The following GMNC variants were observed in gnomAD, a reference collection of about 807,000 sequenced individuals.
The protein encoded by GMNC is geminin coiled-coil domain-containing protein 1.
In GMNC, 16 loss-of-function variants were observed where a neutral mutation model predicts 33.6. The observed-to-expected ratio is 0.48, with a 90% CI of 0.32 to 0.72. The LOEUF (loss-of-function observed/expected upper bound fraction) is 0.72. GMNC is among the 30% of genes least tolerant of loss of function. The probability of loss-of-function intolerance (pLI) is 0.03; values close to 1 mark genes in which losing one functional copy is unlikely to be tolerated. For synonymous variants in GMNC, 156 were observed against 147.3 expected (o/e 1.06, Z -0.43); for missense variants, 393 against 388.9 (o/e 1.01, Z -0.09).
chr3:190,852,372 A>C (rs1483389057), downstream of GMNC, among the ~76,000 whole-genome samples: 1 of 152,164 alleles, frequency 6.6e-6, no homozygotes, highest in East Asian at 1.9e-4. Context: ...ATAGTTTAGC[A>C]TCACTGAAGT....
rs920291911 is a variant in GMNC, at chr3:190,854,805, C to T, written c.*490G>A. On this transcript the variant is annotated 3_prime_UTR_variant, in exon 5 of 5. Transcript: ENST00000442080. ...GGAGTAGTGGTGATGGGCAAAGACA[C>T]TTGTTTCAACCCCACCCTCAGCTAT... 6 of 177,524 alleles carry T rather than the reference C, an allele frequency of 3.4e-5. No individual in the cohort carries two copies. The highest frequency in any genetic ancestry group is 1.4e-4 in the African/African-American group (6 of 41,924). 11.0% of individuals were successfully genotyped at this position (177,524 alleles called of 1,614,324 possible).
downstream of GMNC, among the ~76,000 whole-genome samples, chr3:190,849,688 A>G (rs1214256706): frequency 1.3e-5 from 2 of 152,202 alleles, no homozygotes; most frequent in Non-Finnish European, 2.9e-5. Context: ...AACTTGGTGT[A>G]GAAATAAGAA....
downstream of GMNC, among the ~76,000 whole-genome samples, chr3:190,847,868 T>C (rs1184643098): frequency 1.3e-5 from 2 of 152,204 alleles, no homozygotes; most frequent in Non-Finnish European, 2.9e-5. Flanking sequence ...TCATGTTGTA[T>C]GTGCAGTACA....
In GMNC at chr3:190,858,917, C is replaced by A. The variant is rs1737805078; in HGVS notation, c.267+11G>T. 1 of 1,512,134 alleles carries A rather than the reference C, an allele frequency of 6.6e-7. No individual in the cohort carries two copies. Among genetic ancestry groups the A allele is most frequent in the Non-Finnish European group, 9.0e-7 (1 of 1,111,718 alleles). The allele number at this position is 1,512,134 out of a possible 1,614,324, so 93.7% of individuals were successfully genotyped here. On this transcript the variant is annotated intron_variant, in intron 3 of 4. Transcript: ENST00000442080. ...AACATGACCAGTCTCAATGTTCTGACTTACACATACCTGCTTATTTCTGTA... is the reference window on the plus strand; with the variant it reads ...AACATGACCAGTCTCAATGTTCTGAATTACACATACCTGCTTATTTCTGTA...
At chr3:190,858,857 A>G (rs1397166619) in intron 3 of GMNC, 71 bp downstream of exon 3, 6 of 869,094 alleles carry the variant, frequency 6.9e-6, no homozygotes, top group African/African-American at 3.4e-5. Context: ...AGGGAAAAGA[A>G]GCAAGATATT....
At chr3:190,850,495 T>C (rs956342659), downstream of GMNC, among the ~76,000 whole-genome samples, 4 of 152,212 alleles carry the variant, frequency 2.6e-5, no homozygotes, top group Admixed American at 2.6e-4. Flanking sequence ...GGGAAGAGCC[T>C]GAAGAAATTC....
At chr3:190,856,017 T>A (rs768857363) in intron 4 of GMNC, 102 bp from the exon 5 acceptor site, 5 of 835,996 alleles carry the variant, frequency 6.0e-6, no homozygotes, top group Non-Finnish European at 7.3e-6. Flanking sequence ...ACAAGTAAGA[T>A]GGATTGGATT....
At chr3:190,859,176 A>C (rs1472916819) in intron 2 of GMNC, among the ~76,000 whole-genome samples, 160 bp from the exon 3 acceptor site, 1 of 152,244 alleles carries the variant, frequency 6.6e-6, no homozygotes, top group Non-Finnish European at 1.5e-5. Context: ...GTTTTTTAGA[A>C]AAGGCAAGCA....
chr3:190,845,993 G>A, the GMNC span, among the ~76,000 whole-genome samples: 1 of 152,076 alleles, frequency 6.6e-6, no homozygotes, highest in African/African-American at 2.4e-5. Flanking sequence ...TTTGGGAGGT[G>A]AAGGCGGGTG....
Position 190,861,446 on chromosome 3 carries a change from T to C in GMNC, c.4-588A>G, listed in dbSNP as rs1015775911. Among the ~76,000 whole-genome samples the C allele has an allele frequency of 5.3e-5, 8 of 150,080 alleles. No homozygotes were observed. The highest frequency in any genetic ancestry group is 7.4e-5 in the Non-Finnish European group (5 of 67,472). ...ATCAATCTATCTGTCTGTCTGTCTG[T>C]CTGCCTATCATCTATCTATCTATCT... On this transcript the variant is annotated intron_variant, in intron 1 of 4. Transcript: ENST00000442080. This position sits in a 1 kb window ranked among gnomAD's most constrained non-coding sequence, Gnocchi z 5.1.
In GMNC at chr3:190,857,772, A is replaced by G. The variant is rs1737778677; in HGVS notation, c.384+11T>C. 9 of 1,301,284 alleles carry G rather than the reference A, an allele frequency of 6.9e-6. No individual in the cohort carries two copies. The highest frequency in any genetic ancestry group is 9.8e-6 in the Non-Finnish European group (9 of 918,528). The allele number at this position is 1,301,284 out of a possible 1,614,324, so 80.6% of individuals were successfully genotyped here. On this transcript the variant is annotated intron_variant, in intron 4 of 4. Transcript: ENST00000442080. ...TTGTTCTTATAAAGTAGATACATACATCATACATACCTTGGCCTTTTCTTC... is the reference window on the plus strand; with the variant it reads ...TTGTTCTTATAAAGTAGATACATACGTCATACATACCTTGGCCTTTTCTTC...
rs928354490 is a variant in GMNC, at chr3:190,854,576, T to C, written c.*719A>G. The C allele has an allele frequency of 6.6e-6, 1 of 152,184 alleles. No homozygotes were observed. The highest frequency in any genetic ancestry group is 1.5e-5 in the Non-Finnish European group (1 of 68,024). 9.4% of individuals were successfully genotyped at this position (152,184 alleles called of 1,614,324 possible). On this transcript the variant is annotated 3_prime_UTR_variant, in exon 5 of 5. Transcript: ENST00000442080. Reference sequence around the variant, plus strand: ...CTTGGAGTCATGTTGGTTAAAGAAATGATGCTGGGTACATATAGAAGCTGA... The same window carrying C: ...CTTGGAGTCATGTTGGTTAAAGAAACGATGCTGGGTACATATAGAAGCTGA...
chr3:190,846,566 T>C, the GMNC span, among the ~76,000 whole-genome samples: 19 of 152,200 alleles, frequency 1.2e-4, no homozygotes, highest in African/African-American at 4.1e-4. Flanking sequence ...GTTGTAGGCT[T>C]TGACATATTT....
chr3:190,855,170 G>T lies in GMNC; in HGVS notation c.*125C>A, dbSNP rs1417628037. 2 of 926,338 alleles carry T rather than the reference G, an allele frequency of 2.2e-6. No homozygotes were observed. The highest frequency in any genetic ancestry group is 3.2e-6 in the Non-Finnish European group (2 of 628,394). The allele number at this position is 926,338 out of a possible 1,614,324, so 57.4% of individuals were successfully genotyped here. On this transcript the variant is annotated 3_prime_UTR_variant, in exon 5 of 5. Transcript: ENST00000442080. The stretch of plus-strand genomic sequence containing the variant: ...CAGATTTAAGTGGGTAATTGAGAGT[G>T]ACATTTAAAGTGGCAGGAGACAGTC...
chr3:190,855,599 T>C lies in GMNC; in HGVS notation c.701A>G (p.Lys234Arg). ...SQFPDDAVDY[K>R]NIPREDMPID... ...TGGCATATCCTCTCTGGGGATATTT[T>C]TATAATCAACTGCATCATCCGGAAA... The change falls in exon 5 of 5, where the codon AAA (lysine) becomes AGA (arginine). Residue 234 changes from lysine to arginine, a missense_variant. Coordinates refer to ENST00000442080, the MANE Select transcript of GMNC (RefSeq NM_001146686.3). 6.4e-7 allele frequency: 1 copy of C among 1,551,612 alleles called. No individual in the cohort carries two copies. The highest frequency in any genetic ancestry group is 8.7e-7 in the Non-Finnish European group (1 of 1,146,910).
In GMNC at chr3:190,855,540, G is replaced by A. The variant is rs1316986435; in HGVS notation, c.760C>T (p.His254Tyr). ...DYRGDRTTPLHSTATHGEDFH... is the reference protein window; with the variant it reads ...DYRGDRTTPLYSTATHGEDFH... ...TCTTCTCCATGAGTGGCAGTGCTGT[G>A]CAAGGGGGTTGTTCTGTCACCTCTA... Residue 254 changes from histidine to tyrosine, a missense_variant, in exon 5 of 5, where the codon CAC becomes TAC. His to Tyr is a moderately conservative substitution (Grantham distance 83). Coordinates refer to ENST00000442080, the MANE Select transcript of GMNC (RefSeq NM_001146686.3). The A allele has an allele frequency of 7.7e-6, 12 of 1,551,562 alleles. No individual in the cohort carries two copies. The highest frequency in any genetic ancestry group is 8.7e-7 in the Non-Finnish European group (1 of 1,146,946).
Position 190,852,788 on chromosome 3 carries a change from C to CA in GMNC, c.*2506dup, listed in dbSNP as rs1172947095. On this transcript the variant is annotated 3_prime_UTR_variant, in exon 5 of 5. Coordinates refer to ENST00000442080, the MANE Select transcript of GMNC (RefSeq NM_001146686.3). ...GGTATAAAAATAGTTACCGCAATCA[C>CA]AAAAGAGTTTTTATTTCCCACTATA... The CA allele has an allele frequency of 1.3e-5, 2 of 152,180 alleles. No individual in the cohort carries two copies. The highest frequency in any genetic ancestry group is 2.1e-4 in the South Asian group (1 of 4,830). The allele number at this position is 152,180 out of a possible 1,614,324, so 9.4% of individuals were successfully genotyped here. A position where few individuals can be genotyped will look rare whatever the true frequency, so the allele number is the denominator to read the frequency against.
chr3:190,855,060 G>GT lies in GMNC; in HGVS notation c.*234_*235insA, dbSNP rs1444590615. ...ATAGGGCAAAGAGAGGATGTCAATA[G>GT]CAGGTATTGGTGTGTAAACAAGTCA... On this transcript the variant is annotated 3_prime_UTR_variant, in exon 5 of 5. Transcript: ENST00000442080. 4 of 520,398 alleles carry GT rather than the reference G, an allele frequency of 7.7e-6. No individual in the cohort carries two copies. In the Admixed American group the frequency reaches 9.5e-5, roughly 12 times the overall value. 32.2% of individuals were successfully genotyped at this position (520,398 alleles called of 1,614,324 possible). A position where few individuals can be genotyped will look rare whatever the true frequency, so the allele number is the denominator to read the frequency against.
At position 190,860,846 on chromosome 3, in the gene GMNC, G is replaced by A; in HGVS notation, c.16C>T (p.Pro6Ser). The A allele has an allele frequency of 2.6e-6, 4 of 1,548,992 alleles. No homozygotes were observed. The highest frequency in any genetic ancestry group is 3.5e-6 in the Non-Finnish European group (4 of 1,145,250). The part of the protein sequence containing the change: MNTIL[P>S]CQDQYFVGGQ... ...CCTACAAAGTACTGGTCTTGGCAAG[G>A]CAGAATGGTGTTCTGTGAAATTCAG... Residue 6 changes from proline to serine, a missense_variant, in exon 2 of 5, where the codon CCT (proline) becomes TCT (serine). By Grantham distance (74) the Pro-to-Ser change is moderately conservative. Coordinates refer to ENST00000442080, the MANE Select transcript of GMNC (RefSeq NM_001146686.3).
Sources: allele counts gnomAD v4.1 joint callset (sites outside exome capture counted in the v4.1 genomes callset), GRCh38; gene constraint gnomAD v4.1.1; non-coding constraint Gnocchi (gnomAD v3.1); transcripts MANE v1.5; gene names NCBI Gene and HGNC (gene_info 2026-07-23, HGNC 2026-07-21).